The following XDH variants were observed in gnomAD, a reference collection of about 807,000 sequenced individuals.
XDH encodes xanthine dehydrogenase/oxidase.
In XDH, 138 loss-of-function variants were observed where a neutral mutation model predicts 156.1. The ratio of observed to expected loss-of-function variants is 0.88; its 90% CI spans 0.77 to 1.02. The LOEUF (loss-of-function observed/expected upper bound fraction) is 1.02, where lower values mean the gene tolerates loss of function less well. Among genes scored for constraint, XDH ranks in the 50% least tolerant of loss-of-function variants. The pLI, the probability that XDH is intolerant of heterozygous loss-of-function variation, is 0.00. For missense variants in XDH, 1,849 were observed against 1,684.9 expected (o/e 1.10, Z -1.71); for synonymous variants, 669 against 625.7 (o/e 1.07, Z -1.03).
chr2:31,388,336 G>T, intron 6 of XDH, 41 bp from the exon 7 acceptor site: 1 of 1,603,544 alleles, frequency 6.2e-7, no homozygotes, highest in Non-Finnish European at 8.5e-7. Context: ...TATTTACAAA[G>T]AGTATTTGCA....
At chr2:31,395,997 C>T (rs1686892693) in intron 6 of XDH, among the ~76,000 whole-genome samples, 1 of 152,182 alleles carries the variant, frequency 6.6e-6, no homozygotes, top group Non-Finnish European at 1.5e-5. Context: ...CTAGTTGACC[C>T]TCCACACGCT....
intron 31 of XDH, among the ~76,000 whole-genome samples, 170 bp from the exon 32 acceptor site, chr2:31,342,467 GAT>G (rs1685151739): frequency 6.6e-6 from 1 of 152,162 alleles, no homozygotes; most frequent in African/African-American, 2.4e-5. Context: ...ACGAAACCCA[GAT>G]ATTCCAGAAC....
chr2:31,346,376 A>C (rs1685292217), intron 30 of XDH, among the ~76,000 whole-genome samples: 1 of 152,178 alleles, frequency 6.6e-6, no homozygotes, highest in Admixed American at 6.5e-5. Flanking sequence ...ACTCAGACTC[A>C]AGAGATGGAG....
chr2:31,363,311 A>G (rs1249503292), intron 24 of XDH, among the ~76,000 whole-genome samples: 1 of 152,248 alleles, frequency 6.6e-6, no homozygotes, highest in African/African-American at 2.4e-5. Flanking sequence ...CTCTATCTCA[A>G]AAGAAAGAAT....
chr2:31,386,371 C>T, intron 9 of XDH, 43 bp downstream of exon 9: 1 of 1,606,158 alleles, frequency 6.2e-7, no homozygotes, highest in Non-Finnish European at 8.5e-7. Flanking sequence ...AGAAACACCC[C>T]CAGACCCCCT....
At chr2:31,390,394 C>A (rs1686729788) in intron 6 of XDH, among the ~76,000 whole-genome samples, 1 of 152,160 alleles carries the variant, frequency 6.6e-6, no homozygotes, top group Non-Finnish European at 1.5e-5. Flanking sequence ...TTTGGATGTT[C>A]TACAGTTTAT....
At chr2:31,363,190 T>C (rs1369026553) in intron 24 of XDH, among the ~76,000 whole-genome samples, 2 of 152,130 alleles carry the variant, frequency 1.3e-5, no homozygotes, top group African/African-American at 4.8e-5. Flanking sequence ...TGCATGCCTG[T>C]AATCCCAGCT....
chr2:31,348,722 C>A (rs1320317161), intron 27 of XDH, among the ~76,000 whole-genome samples, 177 bp downstream of exon 27: 1 of 152,198 alleles, frequency 6.6e-6, no homozygotes, highest in Non-Finnish European at 1.5e-5. Flanking sequence ...AGTCTCACTG[C>A]CCATGACCTA....
In XDH at chr2:31,337,823, CACAG is replaced by C; in HGVS notation, c.3775-10_3775-7del. On this transcript the variant is annotated splice_polypyrimidine_tract_variant and splice_region_variant and intron_variant, in intron 34 of 35. Transcript: ENST00000379416. Reference sequence around the variant, plus strand: ...AGGGGCGGCTCTCCAACAGCCTGAACACAGACAGGGCACAGGGCAGGGGCTCAGG... The same window carrying C: ...AGGGGCGGCTCTCCAACAGCCTGAACACAGGGCACAGGGCAGGGGCTCAGG... The C allele has an allele frequency of 6.2e-7, 1 of 1,613,836 alleles. No homozygotes were observed.
At chr2:31,391,321 T>C (rs1686755914) in intron 6 of XDH, among the ~76,000 whole-genome samples, 1 of 152,218 alleles carries the variant, frequency 6.6e-6, no homozygotes, top group Admixed American at 6.5e-5. Flanking sequence ...TTCTGTTCCA[T>C]TGATCTCTTT....
At chr2:31,366,774 C>A (rs1572533061) in intron 21 of XDH, 96 bp downstream of exon 21, 1 of 1,598,154 alleles carries the variant, frequency 6.3e-7, no homozygotes, top group East Asian at 2.2e-5. Context: ...GACCAGCCCA[C>A]ATCTCCCTCT....
chr2:31,371,638 A>C (rs976458970), intron 17 of XDH, among the ~76,000 whole-genome samples: 4 of 151,984 alleles, frequency 2.6e-5, no homozygotes, highest in Non-Finnish European at 4.4e-5. Context: ...GAAAGAATGT[A>C]TCCTATAGCT....
chr2:31,401,901 A>G (rs1002781981), intron 3 of XDH, among the ~76,000 whole-genome samples: 2 of 152,202 alleles, frequency 1.3e-5, no homozygotes, highest in African/African-American at 4.8e-5. Context: ...TGAGTGCCAG[A>G]CATAAGTCAG....
chr2:31,361,777 A>G (rs1685787004), intron 24 of XDH, among the ~76,000 whole-genome samples: 1 of 152,174 alleles, frequency 6.6e-6, no homozygotes, highest in Admixed American at 6.5e-5. Context: ...GATCCTCAAT[A>G]TGTTTTGAGG....
intron 1 of XDH, among the ~76,000 whole-genome samples, 181 bp from the exon 2 acceptor site, chr2:31,406,145 C>T (rs1315347783): frequency 1.3e-5 from 2 of 152,142 alleles, no homozygotes; most frequent in Non-Finnish European, 2.9e-5. Flanking sequence ...GAAGGTGGGG[C>T]CTAGTGGGAA....
chr2:31,350,366 ATCTTTT>A, intron 24 of XDH, 143 bp from the exon 25 acceptor site: 1 of 445,730 alleles, frequency 2.2e-6, no homozygotes, highest in Non-Finnish European at 3.8e-6. Flanking sequence ...TTGCAGCAGC[ATCTTTT>A]TTTTTTTTTT....
intron 1 of XDH, among the ~76,000 whole-genome samples, chr2:31,406,483 T>A (rs1461322151): frequency 6.6e-6 from 1 of 152,220 alleles, no homozygotes; most frequent in Non-Finnish European, 1.5e-5. Flanking sequence ...TACAATGTGC[T>A]AAATAGATCA....
Position 31,335,971 on chromosome 2 carries a change from G to T in XDH, c.3989C>A (p.Ser1330Tyr), listed in dbSNP as rs1212764668. The change falls in exon 36 of 36, where the codon TCT (serine) becomes TAT (tyrosine). Residue 1330 changes from serine to tyrosine, a missense_variant. Coordinates refer to ENST00000379416, the MANE Select transcript of XDH (RefSeq NM_000379.4). ...TGVPENCKPW[S>Y]VRV ...AGGACTCTCTCTTTAGACCCTCACAGACCAGGGTTTGCAGTTTTCTGGGAC... is the reference window on the plus strand; with the variant it reads ...AGGACTCTCTCTTTAGACCCTCACATACCAGGGTTTGCAGTTTTCTGGGAC... 13 of 1,614,098 alleles carry T rather than the reference G, an allele frequency of 8.1e-6. No individual in the cohort carries two copies. Among genetic ancestry groups the T allele is most frequent in the African/African-American group, 1.3e-5 (1 of 74,936 alleles).
Position 31,383,767 on chromosome 2 carries a change from G to A in XDH, c.874C>T (p.His292Tyr). The A allele has an allele frequency of 6.2e-7, 1 of 1,613,974 alleles. No homozygotes were observed. Among genetic ancestry groups the A allele is most frequent in the East Asian group, 2.2e-5 (1 of 44,874 alleles). Residue 292 changes from histidine (H) to tyrosine (Y), a missense_variant, in exon 10 of 36, where the codon CAT (histidine) becomes TAT (tyrosine). His to Tyr is a moderately conservative substitution (Grantham distance 83). Coordinates refer to ENST00000379416, the MANE Select transcript of XDH (RefSeq NM_000379.4). ...AACCTCCTCTTACCGTCGGGTCCATGTTCTACCGAATTCAGCTCAGGGATC... is the reference window on the plus strand; with the variant it reads ...AACCTCCTCTTACCGTCGGGTCCATATTCTACCGAATTCAGCTCAGGGATC... ...AWIPELNSVEHGPDGISFGAA... is the reference protein window; with the variant it reads ...AWIPELNSVEYGPDGISFGAA...
Sources: gnomAD v4.1 joint callset for allele counts (sites outside exome capture counted in the v4.1 genomes callset) on GRCh38, gnomAD v4.1.1 for gene constraint, MANE v1.5 for transcripts, NCBI Gene and HGNC (gene_info 2026-07-23, HGNC 2026-07-21) for gene names.